LIFR: variants seen among roughly 807,000 people sequenced by gnomAD.
LIFR encodes leukemia inhibitory factor receptor.
LIFR carries 84 observed loss-of-function variants against 122.2 expected under a neutral mutation model. The ratio of observed to expected loss-of-function variants is 0.69; its 90% CI spans 0.58 to 0.82. LIFR has a LOEUF of 0.82. LIFR is among the 40% of genes least tolerant of loss of function. LIFR has a pLI of 0.00. For missense variants in LIFR, 1,294 were observed against 1,311.6 expected (o/e 0.99, Z 0.21); for synonymous variants, 422 against 434.7 (o/e 0.97, Z 0.36).
intron 1 of LIFR, among the ~76,000 whole-genome samples, chr5:38,590,337 G>A (rs536738441): frequency 6.6e-5 from 10 of 152,272 alleles, no homozygotes; most frequent in African/African-American, 2.2e-4. Flanking sequence ...GGAAGTAAGA[G>A]GGAGATGAAA....
Position 38,481,979 on chromosome 5 carries a change from T to C in LIFR, c.2910A>G (p.Ala970=), listed in dbSNP as rs1258728953. Residue 970 remains alanine, a synonymous_variant, in exon 20 of 20, where the codon GCA becomes GCG. Coordinates refer to ENST00000453190, the MANE Select transcript of LIFR (RefSeq NM_001127671.2). Reference sequence around the variant, plus strand: ...ACTGAACATCAATGTAAATAACCTGTGCAGTCCCTCCAGCTTCATCTGCGG... The same window carrying C: ...ACTGAACATCAATGTAAATAACCTGCGCAGTCCCTCCAGCTTCATCTGCGG... ...NPAADEAGGT[A]QVIYIDVQSM... 4.3e-6 allele frequency: 7 copies of C among 1,614,104 alleles called. No homozygotes were observed. The highest frequency in any genetic ancestry group is 5.9e-6 in the Non-Finnish European group (7 of 1,180,046).
chr5:38,552,285 G>A (rs1748246481), intron 1 of LIFR, among the ~76,000 whole-genome samples: 1 of 152,198 alleles, frequency 6.6e-6, no homozygotes, highest in Non-Finnish European at 1.5e-5. Context: ...GGAGAAAGAT[G>A]TAGATTCTTA....
At chr5:38,556,284 C>T (rs1488698933) in intron 1 of LIFR, 50 bp downstream of exon 1, 1 of 151,940 alleles carries the variant, frequency 6.6e-6, no homozygotes, top group Non-Finnish European at 1.5e-5. Flanking sequence ...CCGCTCGGGG[C>T]TCCGCGGCTC....
intron 1 of LIFR, among the ~76,000 whole-genome samples, chr5:38,546,744 G>A (rs1747914295): frequency 6.6e-6 from 1 of 152,206 alleles, no homozygotes. Flanking sequence ...ACAAAAGGCA[G>A]GACAGGCCCA....
intron 13 of LIFR, 74 bp from the exon 14 acceptor site, chr5:38,493,859 T>G (rs780672553): frequency 5.0e-5 from 62 of 1,247,552 alleles, no homozygotes; most frequent in Non-Finnish European, 6.6e-5. Context: ...AAAATGGACA[T>G]GAGTTAGAAA....
chr5:38,481,877 C>A lies in LIFR; in HGVS notation c.3012G>T (p.Gln1004His). The change falls in exon 20 of 20, where the codon CAG (glutamine) becomes CAT (histidine). Residue 1004 changes from glutamine (Q) to histidine (H), a missense_variant. Gln to His is a conservative substitution (Grantham distance 24, BLOSUM62 0). Coordinates refer to ENST00000453190, the MANE Select transcript of LIFR (RefSeq NM_001127671.2). ...DPVGGAGYKP[Q>H]MHLPINSTVE... ...CAGTAGAATTAATGGGGAGGTGCAT[C>A]TGTGGCTTATAGCCTGCCCCTCCTA... 6.2e-7 allele frequency: 1 copy of A among 1,614,184 alleles called. No homozygotes were observed. The highest frequency in any genetic ancestry group is 8.5e-7 in the Non-Finnish European group (1 of 1,180,028).
At chr5:38,529,565 T>C (rs189938332) in intron 2 of LIFR, among the ~76,000 whole-genome samples, 3 of 152,170 alleles carry the variant, frequency 2.0e-5, no homozygotes, top group Admixed American at 2.0e-4. Context: ...AAAATAACAT[T>C]ACACCATGGA....
At chr5:38,595,903 T>C (rs1580248015), upstream of LIFR, among the ~76,000 whole-genome samples, 1 of 150,724 alleles carries the variant, frequency 6.6e-6, no homozygotes, top group Non-Finnish European at 1.5e-5. Flanking sequence ...CCGGCTAATT[T>C]TTTTGCATTT....
intron 12 of LIFR, among the ~76,000 whole-genome samples, chr5:38,499,080 T>C (rs1745039306): frequency 6.6e-6 from 1 of 152,188 alleles, no homozygotes; most frequent in East Asian, 1.9e-4. Flanking sequence ...CTAAATACTT[T>C]ACAAAATCAT....
At chr5:38,500,495 C>T (rs1333168412) in intron 11 of LIFR, among the ~76,000 whole-genome samples, 3 of 152,062 alleles carry the variant, frequency 2.0e-5, no homozygotes, top group Non-Finnish European at 4.4e-5. Context: ...TAATTTCATA[C>T]AATATTTTAA....
At chr5:38,517,640 A>G (rs995177405) in intron 5 of LIFR, among the ~76,000 whole-genome samples, 3 of 151,684 alleles carry the variant, frequency 2.0e-5, no homozygotes, top group Non-Finnish European at 2.9e-5. Flanking sequence ...GCCAGATTAC[A>G]AGGTCAAGAG....
intron 1 of LIFR, among the ~76,000 whole-genome samples, chr5:38,580,944 C>T (rs1370385350): frequency 6.6e-6 from 1 of 152,110 alleles, no homozygotes; most frequent in Non-Finnish European, 1.5e-5. Context: ...GATTCTGGCA[C>T]CCAGACTGCT....
In LIFR at chr5:38,479,515, T is replaced by A. The variant is rs1204406241; in HGVS notation, c.*2080A>T. 4.3e-6 allele frequency: 1 copy of A among 231,520 alleles called. No individual in the cohort carries two copies. Among genetic ancestry groups the A allele is most frequent in the African/African-American group, 2.2e-5 (1 of 45,382 alleles). The allele number at this position is 231,520 out of a possible 1,614,324, so 14.3% of individuals were successfully genotyped here. ...GGTCACAGTTGAAATGCATATATAT[T>A]GACAGACAGAGATCAAACAATCTCT... On this transcript the variant is annotated 3_prime_UTR_variant, in exon 20 of 20. Transcript: ENST00000453190.
chr5:38,564,913 A>G (rs1748967854), intron 1 of LIFR, among the ~76,000 whole-genome samples: 1 of 151,746 alleles, frequency 6.6e-6, no homozygotes, highest in Non-Finnish European at 1.5e-5. Context: ...AGCTGGGATT[A>G]CAGGCGCCTG....
chr5:38,525,986 A>C (rs1367931558), intron 4 of LIFR, among the ~76,000 whole-genome samples: 1 of 152,196 alleles, frequency 6.6e-6, no homozygotes, highest in Non-Finnish European at 1.5e-5. Flanking sequence ...GTAATATCCA[A>C]CATTTCAAGC....
intron 1 of LIFR, among the ~76,000 whole-genome samples, chr5:38,593,386 TAA>T (rs1749993762): frequency 6.6e-6 from 1 of 152,202 alleles, no homozygotes; most frequent in Non-Finnish European, 1.5e-5. Context: ...CACATGGAGT[TAA>T]GTTTAAATTA....
chr5:38,567,653 C>T (rs1749070529), intron 1 of LIFR, among the ~76,000 whole-genome samples: 1 of 151,882 alleles, frequency 6.6e-6, no homozygotes, highest in South Asian at 2.1e-4. Flanking sequence ...CTCAGCCTCC[C>T]AAATAGCTGG....
chr5:38,482,719 TAATA>T, intron 18 of LIFR, 52 bp from the exon 19 acceptor site: 2 of 714,160 alleles, frequency 2.8e-6, no homozygotes, highest in Non-Finnish European at 4.6e-6. Context: ...GATTATTAGA[TAATA>T]AATTAATAAA....
At chr5:38,494,647 GA>G (rs1744783717) in intron 13 of LIFR, among the ~76,000 whole-genome samples, 1 of 151,876 alleles carries the variant, frequency 6.6e-6, no homozygotes, top group African/African-American at 2.4e-5. Context: ...CGTAACAGGA[GA>G]AAAGAGGTAG....
Sources: allele counts gnomAD v4.1 joint callset (sites outside exome capture counted in the v4.1 genomes callset), GRCh38; gene constraint gnomAD v4.1.1; transcripts MANE v1.5; gene names NCBI Gene and HGNC (gene_info 2026-07-23, HGNC 2026-07-21).